Variants in ATP10B observed in about 807,000 individuals in gnomAD.
ATP10B encodes ATPase phospholipid transporting 10B (putative).
A neutral mutation model predicts 141.2 loss-of-function variants in ATP10B; 122 were observed. The ratio of observed to expected loss-of-function variants is 0.86; its 90% confidence interval spans 0.75 to 1.00. The LOEUF (loss-of-function observed/expected upper bound fraction) is 1.00, where lower values mean the gene tolerates loss of function less well. Ranked by LOEUF, ATP10B falls within the 50% of genes least tolerant of loss-of-function variation. The probability of loss-of-function intolerance (pLI) is 0.00; values close to 1 mark genes in which losing one functional copy is unlikely to be tolerated. For missense variants in ATP10B, 1,876 were observed against 1,825.3 expected (o/e 1.03, Z -0.51); for synonymous variants, 685 against 692.0 (o/e 0.99, Z 0.16).
At chr5:160,868,059 G>C in the ATP10B span, among the ~76,000 whole-genome samples, 1 of 152,052 alleles carries the variant, frequency 6.6e-6, no homozygotes, top group Non-Finnish European at 1.5e-5. Flanking sequence ...GTGTCACAGC[G>C]TCACAAGGCA....
chr5:160,617,791 GA>G lies in ATP10B; in HGVS notation c.2526+72del, dbSNP rs757461905. 101 of 1,294,862 alleles carry G rather than the reference GA, an allele frequency of 7.8e-5. 3 individuals are homozygous for G. Among genetic ancestry groups the G allele is most frequent in the East Asian group, 4.0e-4 (17 of 43,028 alleles). The allele number at this position is 1,294,862 out of a possible 1,614,324, so 80.2% of individuals were successfully genotyped here. A position where few individuals can be genotyped will look rare whatever the true frequency, so the allele number is the denominator to read the frequency against. ...ACCACCTCTAAGGGTCTTTTATAAA[GA>G]AAAAGAAGCAGGGTCAAGGCCATTC... On this transcript the variant is annotated intron_variant, in intron 16 of 25. Transcript: ENST00000327245.
intron 9 of ATP10B, among the ~76,000 whole-genome samples, chr5:160,641,303 CTATT>C (rs1211568673): frequency 6.6e-6 from 1 of 152,102 alleles, no homozygotes; most frequent in African/African-American, 2.4e-5. Flanking sequence ...AGCAGTTTCC[CTATT>C]TGTTTCTTTG....
intron 1 of ATP10B, among the ~76,000 whole-genome samples, chr5:160,844,872 T>C (rs1302954707): frequency 2.0e-5 from 3 of 152,148 alleles, no homozygotes; most frequent in African/African-American, 7.2e-5. Flanking sequence ...AACTTAGCGG[T>C]CATGTTAAAA....
upstream of ATP10B, among the ~76,000 whole-genome samples, chr5:160,854,897 C>T (rs927190987): frequency 4.6e-5 from 7 of 152,108 alleles, no homozygotes; most frequent in South Asian, 2.1e-4. Context: ...TCTTATTCTA[C>T]GAGAGAGAAA....
chr5:160,602,600 C>A lies in ATP10B; in HGVS notation c.3340G>T (p.Val1114Leu). The part of the protein sequence containing the change: ...WCYSRLARMV[V>L]YYLYKNVCYV... Reference sequence around the variant, plus strand: ...ACCACGTTCTTGTAGAGGTAGTACACCACCATCCTGGCCAGGCGCGAGTAA... The same window carrying A: ...ACCACGTTCTTGTAGAGGTAGTACAACACCATCCTGGCCAGGCGCGAGTAA... The change falls in exon 21 of 26, where the codon GTG (valine) becomes TTG (leucine). Residue 1114 changes from valine to leucine, a missense_variant. Transcript: ENST00000327245. The A allele has an allele frequency of 6.2e-7, 1 of 1,613,974 alleles. No individual in the cohort carries two copies. Among genetic ancestry groups the A allele is most frequent in the Non-Finnish European group, 8.5e-7 (1 of 1,179,896 alleles).
intron 16 of ATP10B, among the ~76,000 whole-genome samples, chr5:160,616,850 G>A (rs900241364): frequency 2.6e-5 from 4 of 152,222 alleles, no homozygotes; most frequent in South Asian, 2.1e-4. Context: ...TGGTAAGGGT[G>A]TAATACTGAT....
At chr5:160,885,466 C>A in the ATP10B span, among the ~76,000 whole-genome samples, 44 of 152,164 alleles carry the variant, frequency 2.9e-4, 1 homozygote, top group Non-Finnish European at 1.2e-4. Context: ...ACTTTGCAGG[C>A]AAGTCAGAGG....
intron 1 of ATP10B, among the ~76,000 whole-genome samples, chr5:160,794,555 T>C (rs1771809638): frequency 6.6e-6 from 1 of 152,186 alleles, no homozygotes; most frequent in African/African-American, 2.4e-5. Flanking sequence ...GATGAGATAA[T>C]CCTGGAGTAA....
intron 3 of ATP10B, among the ~76,000 whole-genome samples, chr5:160,699,538 C>A (rs970494561): frequency 6.6e-6 from 1 of 152,286 alleles, no homozygotes; most frequent in Admixed American, 6.5e-5. Context: ...GAGGTGGGGG[C>A]AGGCATGGAG....
chr5:160,884,187 C>T, the ATP10B span, among the ~76,000 whole-genome samples: 2 of 152,144 alleles, frequency 1.3e-5, no homozygotes, highest in Non-Finnish European at 2.9e-5. Flanking sequence ...CTGGAGCCAA[C>T]CATCTTGTAA....
At chr5:160,731,238 G>A (rs1406162191) in intron 2 of ATP10B, among the ~76,000 whole-genome samples, 1 of 152,152 alleles carries the variant, frequency 6.6e-6, no homozygotes, top group Non-Finnish European at 1.5e-5. Context: ...TAAAGATGGG[G>A]AATTAAAATG....
intron 2 of ATP10B, among the ~76,000 whole-genome samples, chr5:160,742,648 G>A (rs1290044114): frequency 1.3e-5 from 2 of 152,330 alleles, no homozygotes; most frequent in East Asian, 3.9e-4. Flanking sequence ...CACTTCAGAT[G>A]AGGGCAGTGT....
the ATP10B span, among the ~76,000 whole-genome samples, chr5:160,858,575 T>C: frequency 6.6e-6 from 1 of 151,954 alleles, no homozygotes; most frequent in Admixed American, 6.6e-5. Context: ...CCAAACCCCA[T>C]GTTTTAATTG....
At chr5:160,691,645 A>C (rs909077237) in intron 3 of ATP10B, 1 of 152,198 alleles carries the variant, frequency 6.6e-6, no homozygotes, top group Non-Finnish European at 1.5e-5. Flanking sequence ...ATGATCACTT[A>C]GGAAAAAAAG....
intron 22 of ATP10B, among the ~76,000 whole-genome samples, chr5:160,597,152 A>T (rs925295129): frequency 7.9e-5 from 12 of 152,358 alleles, no homozygotes; most frequent in African/African-American, 2.9e-4. Context: ...CTATACTACA[A>T]GGCTACAGTA....
chr5:160,927,570 A>C, the ATP10B span, among the ~76,000 whole-genome samples: 7,286 of 152,264 alleles, frequency 0.048, 585 homozygotes, highest in African/African-American at 0.17. Context: ...TATCTTCCTG[A>C]GGTGGATTGA....
chr5:160,685,218 C>T (rs1763677296), intron 6 of ATP10B: 1 of 596,516 alleles, frequency 1.7e-6, no homozygotes, highest in East Asian at 2.8e-5. Flanking sequence ...CTTCCTTTTT[C>T]ATCTCTGCTC....
intron 21 of ATP10B, among the ~76,000 whole-genome samples, chr5:160,599,741 C>CGAGAA (rs2127622880): frequency 6.6e-6 from 1 of 152,328 alleles, no homozygotes; most frequent in Non-Finnish European, 1.5e-5. Context: ...AGCTCTTTCT[C>CGAGAA]ACTCAAGATC....
intron 5 of ATP10B, chr5:160,687,175 G>A (rs1763808173): frequency 6.5e-6 from 1 of 152,710 alleles, no homozygotes; most frequent in African/African-American, 2.4e-5. Context: ...CTCCTTAGAA[G>A]TATCTATTGT....
Sources: gnomAD v4.1 joint callset for allele counts (sites outside exome capture counted in the v4.1 genomes callset) on GRCh38, gnomAD v4.1.1 for gene constraint, MANE v1.5 for transcripts, NCBI Gene and HGNC (gene_info 2026-07-23, HGNC 2026-07-21) for gene names.